The following TEX36 variants were observed in gnomAD, a reference collection of about 807,000 sequenced individuals.
TEX36 encodes testis expressed 36, also known as testis-expressed protein 36.
In TEX36, 12 loss-of-function variants were observed where a neutral mutation model predicts 13.6. That is an observed-to-expected ratio of 0.88 (90% CI 0.56 to 1.43). The LOEUF (loss-of-function observed/expected upper bound fraction) is 1.43. Ranked by LOEUF, TEX36 falls within the 40% of genes most tolerant of loss-of-function variation. The pLI, the probability that TEX36 is intolerant of heterozygous loss-of-function variation, is 0.00. For missense variants in TEX36, 224 were observed against 228.3 expected, an observed-to-expected ratio of 0.98 and a Z score of 0.12; for synonymous variants, 93 against 83.0, an observed-to-expected ratio of 1.12 and a Z score of -0.65.
At chr10:125,650,899 G>T (rs916510014), downstream of TEX36, among the ~76,000 whole-genome samples, 2 of 152,146 alleles carry the variant, frequency 1.3e-5, no homozygotes, top group African/African-American at 4.8e-5. Context: ...AAATCTAGAA[G>T]AAATGGATAA....
intron 3 of TEX36, among the ~76,000 whole-genome samples, chr10:125,635,381 A>G (rs1336002547): frequency 6.6e-6 from 1 of 152,226 alleles, no homozygotes; most frequent in Non-Finnish European, 1.5e-5. Context: ...ATATAAGGAT[A>G]TGAAAACTAA....
chr10:125,670,984 G>A (rs947383171), intron 1 of TEX36, among the ~76,000 whole-genome samples: 13 of 152,064 alleles, frequency 8.5e-5, no homozygotes, highest in African/African-American at 3.1e-4. Context: ...GGTTACTCTA[G>A]CTTTGTAGTA....
downstream of TEX36, among the ~76,000 whole-genome samples, chr10:125,617,281 T>C (rs1228644404): frequency 6.6e-6 from 1 of 152,090 alleles, no homozygotes; most frequent in Non-Finnish European, 1.5e-5. Context: ...ATTTAGTCCA[T>C]TTACATTTAA....
intron 1 of TEX36, among the ~76,000 whole-genome samples, chr10:125,678,476 A>T (rs1016903121): frequency 1.3e-5 from 2 of 151,458 alleles, no homozygotes; most frequent in Admixed American, 1.3e-4. Context: ...CTGTTTTGGC[A>T]GTTCTTGGTG....
chr10:125,651,713 G>A (rs1427032786), downstream of TEX36, among the ~76,000 whole-genome samples: 1 of 152,184 alleles, frequency 6.6e-6, no homozygotes, highest in Non-Finnish European at 1.5e-5. Context: ...AATTGTCCCT[G>A]TTTGCAGATG....
intron 3 of TEX36, among the ~76,000 whole-genome samples, chr10:125,589,369 A>G (rs2133530905): frequency 6.6e-6 from 1 of 152,338 alleles, no homozygotes; most frequent in East Asian, 1.9e-4. Context: ...ACACCAACTT[A>G]GAATTTCCAG....
intron 3 of TEX36, among the ~76,000 whole-genome samples, chr10:125,613,733 A>G (rs1846322064): frequency 6.6e-6 from 1 of 152,006 alleles, no homozygotes; most frequent in Non-Finnish European, 1.5e-5. Context: ...TAGTGCCGCA[A>G]TAAACATACG....
Position 125,628,398 on chromosome 10 carries a change from CAA to C in TEX36, c.265-6755_265-6754del, listed in dbSNP as rs1322445860. 4.6e-5 allele frequency among the ~76,000 whole-genome samples: 7 copies of C among 152,174 alleles called. No individual in the cohort carries two copies. The East Asian group carries it at 1.3e-3, about 29-fold the overall frequency. On this transcript the variant is annotated intron_variant, in intron 3 of 3. Coordinates refer to the TEX36 transcript ENST00000526819. ...CTGGTGTGGGTTTGTGGCTGCTGTG[CAA>C]AGTCTTCCTGGAATCATATTGCAGT...
At chr10:125,620,662 A>G (rs2133559539), downstream of TEX36, among the ~76,000 whole-genome samples, 2 of 152,356 alleles carry the variant, frequency 1.3e-5, no homozygotes, top group South Asian at 4.1e-4. Context: ...TGTCAGCTTA[A>G]CTATTTTTAA....
In TEX36 at chr10:125,669,958, C is replaced by T. The variant is rs755052376; in HGVS notation, c.52-7981G>A. Among the ~76,000 whole-genome samples the T allele has an allele frequency of 1.2e-3, 187 of 152,294 alleles. 1 individual carries two copies. The highest frequency in any genetic ancestry group is 2.0e-3 in the Non-Finnish European group (136 of 68,024). The stretch of plus-strand genomic sequence containing the variant: ...TCCTTTTTATGGCTGCATAATATTC[C>T]GTGGTGTACATGTACATTTTCTTTA... On this transcript the variant is annotated intron_variant, in intron 1 of 3. Transcript: ENST00000368821.
At chr10:125,590,361 C>T (rs1229230240) in intron 3 of TEX36, among the ~76,000 whole-genome samples, 1 of 152,086 alleles carries the variant, frequency 6.6e-6, no homozygotes, top group Non-Finnish European at 1.5e-5. Flanking sequence ...GGTGATCCTC[C>T]CACCTCGGCC....
chr10:125,598,579 A>G (rs553878134), intron 3 of TEX36, among the ~76,000 whole-genome samples: 1 of 152,310 alleles, frequency 6.6e-6, no homozygotes, highest in East Asian at 1.9e-4. Flanking sequence ...CCTAATTTTC[A>G]TGCAAAGAAA....
intron 3 of TEX36, among the ~76,000 whole-genome samples, chr10:125,646,435 A>G (rs1301280149): frequency 6.6e-6 from 1 of 152,254 alleles, no homozygotes; most frequent in East Asian, 1.9e-4. Flanking sequence ...GTACAGTGGC[A>G]TTCTGAGGGA....
At chr10:125,637,502 CAGTTTCACATCTT>C (rs1846636533) in intron 3 of TEX36, among the ~76,000 whole-genome samples, 1 of 152,128 alleles carries the variant, frequency 6.6e-6, no homozygotes, top group Non-Finnish European at 1.5e-5. Context: ...ATGTCCAGGT[CAGTTTCACATCTT>C]AGCGATTGTG....
intron 3 of TEX36, among the ~76,000 whole-genome samples, chr10:125,624,415 G>A (rs567753862): frequency 7.9e-5 from 12 of 152,338 alleles, no homozygotes; most frequent in Non-Finnish European, 1.3e-4. Context: ...ATGTCCTCCA[G>A]TCCTGAGCCT....
At chr10:125,652,827 G>A (rs1347091180), downstream of TEX36, among the ~76,000 whole-genome samples, 1 of 152,204 alleles carries the variant, frequency 6.6e-6, no homozygotes, top group African/African-American at 2.4e-5. Context: ...AGTAGGCAAA[G>A]GATGTGAACA....
chr10:125,600,191 A>G (rs1419389307), intron 3 of TEX36, among the ~76,000 whole-genome samples: 1 of 152,204 alleles, frequency 6.6e-6, no homozygotes, highest in Non-Finnish European at 1.5e-5. Flanking sequence ...GGCCAATCCA[A>G]TTACTTTCTC....
At chr10:125,618,889 T>C (rs1321656013), downstream of TEX36, among the ~76,000 whole-genome samples, 1 of 133,788 alleles carries the variant, frequency 7.5e-6, no homozygotes, top group East Asian at 2.2e-4. Context: ...GGTGGATCAC[T>C]AGGTCAGGAG....
intron 3 of TEX36, among the ~76,000 whole-genome samples, chr10:125,588,113 G>A (rs896411936): frequency 8.5e-5 from 13 of 152,226 alleles, no homozygotes; most frequent in South Asian, 2.1e-4. Flanking sequence ...ATGCACATGT[G>A]AGTATATCTC....
Sources: allele counts gnomAD v4.1 joint callset (sites outside exome capture counted in the v4.1 genomes callset), GRCh38; gene constraint gnomAD v4.1.1; transcripts MANE v1.5; gene names NCBI Gene and HGNC (gene_info 2026-07-23, HGNC 2026-07-21).